Variants in FUT9 observed in about 807,000 individuals in gnomAD.
FUT9 encodes the protein fucosyltransferase 9, also known as 4-galactosyl-N-acetylglucosaminide 3-alpha-L-fucosyltransferase 9.
In FUT9, 15 loss-of-function variants were observed where a neutral mutation model predicts 29.7. That is an observed-to-expected ratio of 0.51 (90% CI 0.34 to 0.78). The LOEUF (loss-of-function observed/expected upper bound fraction) is 0.78, where lower values mean the gene tolerates loss of function less well. Ranked by LOEUF, FUT9 falls within the 30% of genes least tolerant of loss-of-function variation. The pLI, the probability that FUT9 is intolerant of heterozygous loss-of-function variation, is 0.01. For missense variants in FUT9, 319 were observed against 425.4 expected, an observed-to-expected ratio of 0.75 and a Z score of 2.20; for synonymous variants, 169 against 153.7, an observed-to-expected ratio of 1.10 and a Z score of -0.74.
rs1562169036 is a variant in FUT9, at chr6:96,212,519, G to A, written c.*8284G>A. ...CAAAGACTATCATATTTGAGAACAA[G>A]ATTTTACTTAGAAGGGAAAAAAAAG... On this transcript the variant is annotated 3_prime_UTR_variant, in exon 3 of 3. Transcript: ENST00000302103. 10 of 406,644 alleles carry A rather than the reference G, an allele frequency of 2.5e-5. No individual in the cohort carries two copies. In the East Asian group the frequency reaches 3.6e-4, roughly 15 times the overall value. 25.2% of individuals were successfully genotyped at this position (406,644 alleles called of 1,614,324 possible). A position where few individuals can be genotyped will look rare whatever the true frequency, so the allele number is the denominator to read the frequency against.
At chr6:96,137,922 A>C (rs1203391035) in intron 2 of FUT9, among the ~76,000 whole-genome samples, 2 of 152,222 alleles carry the variant, frequency 1.3e-5, no homozygotes, top group East Asian at 3.9e-4. Flanking sequence ...TTTAAAAGTT[A>C]CATATTAAGG....
intron 1 of FUT9, among the ~76,000 whole-genome samples, chr6:96,092,742 A>G (rs1471481076): frequency 6.6e-6 from 1 of 151,914 alleles, no homozygotes; most frequent in East Asian, 1.9e-4. Flanking sequence ...AAATTCCGTC[A>G]TTTTTCTTTA....
intron 1 of FUT9, among the ~76,000 whole-genome samples, chr6:96,113,221 T>C (rs959743085): frequency 2.4e-4 from 37 of 152,108 alleles, no homozygotes; most frequent in Admixed American, 3.9e-4. Context: ...CCTTATTATA[T>C]ATTGTAACCA....
At position 96,104,656 on chromosome 6, in the gene FUT9, G is replaced by A. The variant is rs141229585; in HGVS notation, c.-97-9383G>A. Among the ~76,000 whole-genome samples, 745 of 151,994 alleles carry A rather than the reference G, an allele frequency of 4.9e-3. 5 individuals carry two copies. Among genetic ancestry groups the A allele is most frequent in the African/African-American group, 0.017 (721 of 41,482 alleles). On this transcript the variant is annotated intron_variant, in intron 1 of 2. Coordinates refer to ENST00000302103, the MANE Select transcript of FUT9 (RefSeq NM_006581.4). ...TGCCATTCTCCTGCCTCAGCCTCCC[G>A]AGTAGCTGGGATTACAGGCGCCTGC...
intron 1 of FUT9, among the ~76,000 whole-genome samples, chr6:96,048,150 T>C (rs1476126018): frequency 6.6e-6 from 1 of 152,216 alleles, no homozygotes; most frequent in Non-Finnish European, 1.5e-5. Context: ...GTAAAGGGTC[T>C]CTATTTTTAG....
At chr6:96,078,145 T>C (rs1771170614) in intron 1 of FUT9, among the ~76,000 whole-genome samples, 1 of 152,206 alleles carries the variant, frequency 6.6e-6, no homozygotes, top group Non-Finnish European at 1.5e-5. Flanking sequence ...TTTAATTTTT[T>C]CATTACAACT....
At chr6:96,110,048 G>C (rs1771768415) in intron 1 of FUT9, among the ~76,000 whole-genome samples, 1 of 152,086 alleles carries the variant, frequency 6.6e-6, no homozygotes, top group Non-Finnish European at 1.5e-5. Context: ...TTGAATATAA[G>C]GCTGAGTCAT....
intron 1 of FUT9, among the ~76,000 whole-genome samples, chr6:96,050,259 A>G (rs558975052): frequency 3.9e-5 from 6 of 152,312 alleles, no homozygotes; most frequent in African/African-American, 7.2e-5. Context: ...TCACACACCC[A>G]TCAGTCTGTC....
At chr6:96,067,357 C>A (rs1770979695) in intron 1 of FUT9, among the ~76,000 whole-genome samples, 1 of 151,678 alleles carries the variant, frequency 6.6e-6, no homozygotes, top group South Asian at 2.1e-4. Context: ...ATATAAAAGA[C>A]CTTGTGTACT....
At chr6:96,020,239 T>C (rs773004651) in intron 1 of FUT9, among the ~76,000 whole-genome samples, 4 of 152,170 alleles carry the variant, frequency 2.6e-5, no homozygotes, top group African/African-American at 7.2e-5. Flanking sequence ...AGGTTTTTCA[T>C]GTTAATAGCA....
chr6:96,069,449 T>C (rs1359856495), intron 1 of FUT9, among the ~76,000 whole-genome samples: 1 of 151,930 alleles, frequency 6.6e-6, no homozygotes, highest in Non-Finnish European at 1.5e-5. Context: ...AAAATCTTAG[T>C]GACAAGATTT....
chr6:96,083,298 T>G (rs893357656), intron 1 of FUT9, among the ~76,000 whole-genome samples: 3 of 152,080 alleles, frequency 2.0e-5, no homozygotes, highest in African/African-American at 7.2e-5. Context: ...GGCTCTGTCT[T>G]TCTCACAAAT....
chr6:96,176,082 C>G (rs1773197648), intron 2 of FUT9, among the ~76,000 whole-genome samples: 1 of 152,212 alleles, frequency 6.6e-6, no homozygotes, highest in Non-Finnish European at 1.5e-5. Flanking sequence ...GATCTCCAGC[C>G]TTCAGACTCC....
At chr6:96,094,479 C>A (rs938744348) in intron 1 of FUT9, among the ~76,000 whole-genome samples, 1 of 152,022 alleles carries the variant, frequency 6.6e-6, no homozygotes, top group Admixed American at 6.6e-5. Context: ...TTTAAAAAAT[C>A]GTATGCTGAG....
intron 1 of FUT9, among the ~76,000 whole-genome samples, chr6:96,061,236 T>A (rs1770868671): frequency 6.7e-6 from 1 of 150,314 alleles, no homozygotes; most frequent in Admixed American, 6.7e-5. Context: ...CATTCTAGTA[T>A]TTAACTACAT....
At chr6:96,026,152 A>G (rs1026478911) in intron 1 of FUT9, among the ~76,000 whole-genome samples, 1 of 151,680 alleles carries the variant, frequency 6.6e-6, no homozygotes, top group African/African-American at 2.4e-5. Context: ...CTTTCATAAG[A>G]TGTGCAAAAT....
Position 96,063,688 on chromosome 6 carries a change from GCATTGCAGGGT to G in FUT9, c.-98+47480_-98+47490del, listed in dbSNP as rs1304328550. ...TTGTGAGATAGATGAAGGCAATGAA[GCATTGCAGGGT>G]CATGGATGGATAAAGTTACTGGATC... On this transcript the variant is annotated intron_variant, in intron 1 of 2. Transcript: ENST00000302103. Among the ~76,000 whole-genome samples the G allele has an allele frequency of 3.3e-5, 5 of 152,128 alleles. No homozygotes were observed. In the South Asian group the frequency reaches 8.3e-4, roughly 25 times the overall value.
chr6:96,173,907 C>T (rs542506569), intron 2 of FUT9, among the ~76,000 whole-genome samples: 6 of 151,942 alleles, frequency 3.9e-5, no homozygotes, highest in Non-Finnish European at 5.9e-5. Flanking sequence ...ATTAAAAAAC[C>T]ATTTTGCATA....
intron 1 of FUT9, among the ~76,000 whole-genome samples, chr6:96,030,860 A>G (rs952924956): frequency 1.3e-5 from 2 of 151,526 alleles, no homozygotes; most frequent in Non-Finnish European, 3.0e-5. Flanking sequence ...GCACAATTAC[A>G]TTTATACAAC....
Sources: allele counts gnomAD v4.1 joint callset (sites outside exome capture counted in the v4.1 genomes callset), GRCh38; gene constraint gnomAD v4.1.1; transcripts MANE v1.5; gene names NCBI Gene and HGNC (gene_info 2026-07-23, HGNC 2026-07-21).